The following KIF26B variants were observed in gnomAD, a reference collection of about 807,000 sequenced individuals.
KIF26B encodes the protein kinesin family member 26B, also known as kinesin-like protein KIF26B.
In KIF26B, 63 loss-of-function variants were observed where a neutral mutation model predicts 151.2. The ratio of observed to expected loss-of-function variants is 0.42; its 90% confidence interval spans 0.34 to 0.51. KIF26B has a LOEUF of 0.51. KIF26B is among the 20% of genes least tolerant of loss of function. The probability of loss-of-function intolerance (pLI) is 0.07; values close to 1 mark genes in which losing one functional copy is unlikely to be tolerated. For synonymous variants in KIF26B, 1,357 were observed against 1,262.1 expected (o/e 1.08, Z -1.59); for missense variants, 2,813 against 2,913.6 (o/e 0.97, Z 0.79).
At chr1:245,156,712 G>C (rs1463055030) in intron 2 of KIF26B, 29 bp downstream of exon 2, 3 of 1,374,732 alleles carry the variant, frequency 2.2e-6, no homozygotes, top group Non-Finnish European at 1.9e-6. Context: ...TGGCTGGGGA[G>C]GCGCCGGGAG....
intron 2 of KIF26B, among the ~76,000 whole-genome samples, chr1:245,234,810 G>A (rs1273336940): frequency 4.6e-5 from 7 of 152,196 alleles, no homozygotes; most frequent in African/African-American, 1.7e-4. Context: ...CGCAACACCG[G>A]CCTGCTATTA....
chr1:245,240,828 G>A (rs548269403), intron 2 of KIF26B, among the ~76,000 whole-genome samples: 1 of 152,066 alleles, frequency 6.6e-6, no homozygotes, highest in Non-Finnish European at 1.5e-5. Context: ...CTGTGGGCCA[G>A]GTGGCTCAGG....
chr1:245,707,551 G>A lies in KIF26B; in HGVS notation c.*4945G>A, dbSNP rs893226759. The A allele has an allele frequency of 3.3e-5, 5 of 152,176 alleles. No homozygotes were observed. The highest frequency in any genetic ancestry group is 7.3e-5 in the Non-Finnish European group (5 of 68,040). 9.4% of individuals were successfully genotyped at this position (152,176 alleles called of 1,614,324 possible). A position where few individuals can be genotyped will look rare whatever the true frequency, so the allele number is the denominator to read the frequency against. On this transcript the variant is annotated 3_prime_UTR_variant, in exon 15 of 15. Transcript: ENST00000407071. ...CGGTTGGAAATGCTATCCACGTGCC[G>A]TGCATCGAGGTGGAGATTTGCTGGA...
chr1:245,260,957 G>T (rs1670624228), intron 2 of KIF26B, among the ~76,000 whole-genome samples: 1 of 152,124 alleles, frequency 6.6e-6, no homozygotes, highest in African/African-American at 2.4e-5. Flanking sequence ...TGCAATCACA[G>T]AGTCACAGAT....
intron 2 of KIF26B, among the ~76,000 whole-genome samples, chr1:245,162,885 C>T (rs1558329744): frequency 6.6e-6 from 1 of 152,162 alleles, no homozygotes; most frequent in Non-Finnish European, 1.5e-5. Context: ...TCAAAGAACT[C>T]ACCTATGTTT....
At chr1:245,443,485 T>C (rs112611124) in intron 4 of KIF26B, among the ~76,000 whole-genome samples, 17 of 82,694 alleles carry the variant, frequency 2.1e-4, no homozygotes, top group Admixed American at 6.9e-4. Flanking sequence ...TCACTGTTCA[T>C]CTAGAGGAGA....
chr1:245,192,586 A>G (rs1669128388), intron 2 of KIF26B, among the ~76,000 whole-genome samples: 1 of 152,246 alleles, frequency 6.6e-6, no homozygotes. Context: ...CTAAATGATC[A>G]TCTATACTGA....
intron 10 of KIF26B, among the ~76,000 whole-genome samples, chr1:245,661,839 CAT>C (rs56713646): frequency 0.59 from 87,306 of 147,448 alleles, 26,071 homozygotes; most frequent in African/African-American, 0.64. Context: ...TTACACACAC[CAT>C]ATATATATAT....
intron 5 of KIF26B, among the ~76,000 whole-genome samples, chr1:245,562,100 G>A (rs528815727): frequency 1.4e-4 from 21 of 152,218 alleles, no homozygotes; most frequent in African/African-American, 5.1e-4. Context: ...TCCTCCAGCC[G>A]TACTTTGTCT....
intron 4 of KIF26B, among the ~76,000 whole-genome samples, chr1:245,481,061 C>A (rs1310868013): frequency 1.3e-5 from 2 of 151,812 alleles, no homozygotes; most frequent in Admixed American, 1.3e-4. Flanking sequence ...ATATGCCAGG[C>A]ACTGTGCTGG....
chr1:245,700,323 C>T (rs1023582745), intron 14 of KIF26B, among the ~76,000 whole-genome samples: 8 of 152,170 alleles, frequency 5.3e-5, no homozygotes, highest in Non-Finnish European at 8.8e-5. Flanking sequence ...TTGGTGCTTA[C>T]TACACTGCTT....
chr1:245,331,089 G>A (rs999979989), intron 2 of KIF26B, among the ~76,000 whole-genome samples: 11 of 151,994 alleles, frequency 7.2e-5, no homozygotes, highest in Non-Finnish European at 1.5e-5. Flanking sequence ...ACGCAGCCGC[G>A]GCAGGGGGCG....
chr1:245,249,780 A>C (rs76533183), intron 2 of KIF26B, among the ~76,000 whole-genome samples: 4,106 of 152,146 alleles, frequency 0.027, 141 homozygotes, highest in East Asian at 0.079. Flanking sequence ...ACTGCATCAA[A>C]ATGCAATTTA....
At chr1:245,523,721 C>A (rs1428426543) in intron 4 of KIF26B, among the ~76,000 whole-genome samples, 2 of 152,158 alleles carry the variant, frequency 1.3e-5, no homozygotes, top group African/African-American at 2.4e-5. Flanking sequence ...TTCTAAATGC[C>A]CCATCTCCAA....
At chr1:245,257,607 A>G (rs1159104030) in intron 2 of KIF26B, among the ~76,000 whole-genome samples, 1 of 152,196 alleles carries the variant, frequency 6.6e-6, no homozygotes, top group African/African-American at 2.4e-5. Flanking sequence ...TTTGCTGCAC[A>G]TCAGCCTGGA....
At chr1:245,445,109 C>G (rs796758926) in intron 4 of KIF26B, among the ~76,000 whole-genome samples, 2 of 152,172 alleles carry the variant, frequency 1.3e-5, no homozygotes, top group South Asian at 4.1e-4. Flanking sequence ...ACTGCAGACT[C>G]TGGAAGCAAG....
At chr1:245,480,382 CA>C in intron 4 of KIF26B, among the ~76,000 whole-genome samples, 1 of 151,676 alleles carries the variant, frequency 6.6e-6, no homozygotes, top group Non-Finnish European at 1.5e-5. Context: ...GACCCACAGT[CA>C]GGGGTCAGTC....
rs747577473 is a variant in KIF26B at position 245,698,991 on chromosome 1, G to A, written c.6132G>A (p.Ala2044=). ...KYEWLMKELE[A]TKQYLMLDPN... ...AGTGGCTGATGAAGGAGCTGGAGGC[G>A]ACCAAACAGTATCTGATGCTGGATC... is the stretch of plus-strand genomic sequence containing the variant. The change falls in exon 14 of 15, where the codon GCG becomes GCA. Residue 2044 remains alanine, a synonymous_variant. Transcript: ENST00000407071. This position sits in a 1 kb window ranked among gnomAD's most constrained non-coding sequence, Gnocchi z 4.0. 7 of 1,614,010 alleles carry A rather than the reference G, an allele frequency of 4.3e-6. No homozygotes were observed. Among genetic ancestry groups the A allele is most frequent in the South Asian group, 2.2e-5 (2 of 91,076 alleles).
intron 9 of KIF26B, among the ~76,000 whole-genome samples, chr1:245,634,952 G>A (rs2043819003): frequency 6.6e-6 from 1 of 151,956 alleles, no homozygotes; most frequent in African/African-American, 2.4e-5. Context: ...CGGGCCTGAA[G>A]CACCTCAGCC....
Sources: allele counts gnomAD v4.1 joint callset (sites outside exome capture counted in the v4.1 genomes callset), GRCh38; gene constraint gnomAD v4.1.1; non-coding constraint Gnocchi (gnomAD v3.1); transcripts MANE v1.5; gene names NCBI Gene and HGNC (gene_info 2026-07-23, HGNC 2026-07-21).